FAM170A: variants seen among roughly 807,000 people sequenced by gnomAD.
The protein encoded by FAM170A is family with sequence similarity 170 member A.
Under a neutral mutation model 36.6 loss-of-function variants are expected in FAM170A, and 28 were observed. The ratio of observed to expected loss-of-function variants is 0.76; its 90% CI spans 0.57 to 1.05. The LOEUF is 1.05. FAM170A is among the 50% of genes least tolerant of loss of function. The pLI is 0.00. For missense variants in FAM170A, 434 were observed against 396.5 expected (o/e 1.09, Z -0.80); for synonymous variants, 156 against 143.9 (o/e 1.08, Z -0.60).
Position 119,629,714 on chromosome 5 carries a change from GA to G in FAM170A, c.-50del. On this transcript the variant is annotated 5_prime_UTR_variant, in exon 1 of 5. It introduces an in-frame stop codon into an upstream open reading frame of the 5' UTR. Transcript: ENST00000613773. ...AGAGCCAAGAAGGGCCAATCTACAG[GA>G]AAAAGTGGGAGGTGGACATTAAGCA... 2 of 1,398,712 alleles carry G rather than the reference GA, an allele frequency of 1.4e-6. No individual in the cohort carries two copies. Among genetic ancestry groups the G allele is most frequent in the Non-Finnish European group, 2.0e-6 (2 of 989,690 alleles). The allele number at this position is 1,398,712 out of a possible 1,614,324, so 86.6% of individuals were successfully genotyped here.
At chr5:119,631,430 G>T (rs1756249046) in intron 1 of FAM170A, among the ~76,000 whole-genome samples, 1 of 151,978 alleles carries the variant, frequency 6.6e-6, no homozygotes, top group African/African-American at 2.4e-5. Flanking sequence ...TGTGTGTTGG[G>T]AGGGGGAGGA....
intron 1 of FAM170A, among the ~76,000 whole-genome samples, chr5:119,630,483 C>G (rs1252019858): frequency 2.6e-5 from 4 of 152,132 alleles, no homozygotes; most frequent in Admixed American, 1.3e-4. Flanking sequence ...CCTGAGCCTT[C>G]TTTAGGGAGG....
exon 3 of FAM170A, chr5:119,634,550 A>C (rs1309791007): frequency 6.2e-7 from 1 of 1,613,432 alleles, no homozygotes; most frequent in Admixed American, 1.7e-5. Context: ...GGCTCAGCTG[A>C]CAGGCAACAT....
exon 3 of FAM170A, chr5:119,634,460 A>G (rs1236357829): frequency 6.2e-7 from 1 of 1,614,192 alleles, no homozygotes; most frequent in Admixed American, 1.7e-5. Flanking sequence ...CCGGGTGTTC[A>G]CCACCATGGA....
rs545520176 is a variant in FAM170A, at chr5:119,634,123, C to A, written c.375C>A (p.Gly125=). 175 of 1,614,084 alleles carry A rather than the reference C, an allele frequency of 1.1e-4. 3 individuals are homozygous for A. The South Asian group carries it at 1.9e-3, about 17-fold the overall frequency. ...TGTGTGTAAACAAAGAGGAAAGGGG[C>A]ATGAAAATATACTACATGCAGGTAC... The change falls in exon 3 of 5, where the codon GGC becomes GGA. Residue 125 remains glycine, a synonymous_variant. Coordinates refer to ENST00000613773, the Ensembl canonical transcript of FAM170A.
At chr5:119,635,236 C>G (rs1756356749) in intron 4 of FAM170A, 150 bp downstream of exon 4, 4 of 611,640 alleles carry the variant, frequency 6.5e-6, no homozygotes, top group Non-Finnish European at 1.2e-5. Flanking sequence ...GGGAATTGTC[C>G]TCCATTTGCT....
At chr5:119,630,071 T>C (rs1756210903) in intron 1 of FAM170A, among the ~76,000 whole-genome samples, 1 of 148,940 alleles carries the variant, frequency 6.7e-6, no homozygotes. Context: ...TTTTGTATTT[T>C]TAGTAGAGAC....
chr5:119,631,953 A>G (rs1756261682), intron 1 of FAM170A, among the ~76,000 whole-genome samples: 1 of 152,250 alleles, frequency 6.6e-6, no homozygotes, highest in Non-Finnish European at 1.5e-5. Context: ...TTAAACTTGA[A>G]TATCAGATAA....
chr5:119,634,780 C>G, intron 3 of FAM170A, 46 bp downstream of exon 3: 1 of 1,501,454 alleles, frequency 6.7e-7, no homozygotes, highest in South Asian at 1.3e-5. Flanking sequence ...GCAATGGCTT[C>G]CCCGAGCCAG....
At chr5:119,631,261 T>G (rs1462412063) in intron 1 of FAM170A, among the ~76,000 whole-genome samples, 1 of 152,118 alleles carries the variant, frequency 6.6e-6, no homozygotes, top group Non-Finnish European at 1.5e-5. Flanking sequence ...CATAAAGACC[T>G]GTAGGTTGAG....
chr5:119,633,828 A>G, intron 2 of FAM170A, 132 bp from the exon 3 acceptor site: 1 of 1,209,874 alleles, frequency 8.3e-7, no homozygotes, highest in Non-Finnish European at 1.1e-6. Flanking sequence ...TATGAACAAC[A>G]AATACCAAGC....
intron 2 of FAM170A, 25 bp downstream of exon 2, chr5:119,632,913 A>G: frequency 6.4e-7 from 1 of 1,556,096 alleles, no homozygotes; most frequent in East Asian, 2.3e-5. Flanking sequence ...TTCCTTCGGC[A>G]CGTGGCTCCT....
exon 1 of FAM170A, chr5:119,629,749 A>G (rs1756199183): frequency 6.2e-7 from 1 of 1,606,892 alleles, no homozygotes; most frequent in African/African-American, 1.3e-5. Flanking sequence ...CATCTTCTAG[A>G]AACTCTTCTA....
chr5:119,635,325 T>C (rs970202305), intron 4 of FAM170A, among the ~76,000 whole-genome samples: 2 of 152,218 alleles, frequency 1.3e-5, no homozygotes, highest in Non-Finnish European at 2.9e-5. Context: ...GAGGAGGTGC[T>C]GCAGCTCTTC....
chr5:119,635,161 G>C (rs1429587242), intron 4 of FAM170A, 75 bp downstream of exon 4: 20 of 1,020,484 alleles, frequency 2.0e-5, no homozygotes, highest in Admixed American at 7.1e-5. Context: ...GGAGCTGCAG[G>C]GATGCACTGG....
exon 3 of FAM170A, chr5:119,634,444 C>G: frequency 6.2e-7 from 1 of 1,614,150 alleles, no homozygotes; most frequent in Non-Finnish European, 8.5e-7. Flanking sequence ...GGTGCATGGC[C>G]TGCTGCCGGG....
intron 4 of FAM170A, among the ~76,000 whole-genome samples, 167 bp from the exon 5 acceptor site, chr5:119,635,533 G>C (rs895850085): frequency 5.9e-5 from 9 of 152,174 alleles, no homozygotes; most frequent in African/African-American, 2.2e-4. Context: ...CAAGAGAACT[G>C]GAAATGTTTC....
At chr5:119,631,033 G>A (rs1039597223) in intron 1 of FAM170A, among the ~76,000 whole-genome samples, 12 of 152,242 alleles carry the variant, frequency 7.9e-5, no homozygotes, top group African/African-American at 2.9e-4. Context: ...AATCCACAGT[G>A]TGGGACTTCC....
At chr5:119,635,196 A>G in intron 4 of FAM170A, 110 bp downstream of exon 4, 1 of 716,160 alleles carries the variant, frequency 1.4e-6, no homozygotes, top group Admixed American at 2.2e-5. Context: ...CTGCAGCCAC[A>G]TCAACTTATC....
Sources: allele counts gnomAD v4.1 joint callset (sites outside exome capture counted in the v4.1 genomes callset), GRCh38; gene constraint gnomAD v4.1.1; transcripts MANE v1.5; gene names NCBI Gene and HGNC (gene_info 2026-07-23, HGNC 2026-07-21).